The following IL12A variants were observed in gnomAD, a reference collection of about 807,000 sequenced individuals.
IL12A encodes interleukin 12A.
A neutral mutation model predicts 23.5 loss-of-function variants in IL12A; 16 were observed. That is an observed-to-expected ratio of 0.68 (90% CI 0.46 to 1.03). The LOEUF (loss-of-function observed/expected upper bound fraction) is 1.03. Ranked by LOEUF, IL12A falls within the 50% of genes least tolerant of loss-of-function variation. The probability of loss-of-function intolerance (pLI) is 0.00; values close to 1 mark genes in which losing one functional copy is unlikely to be tolerated. For synonymous variants in IL12A, 106 were observed against 111.5 expected (o/e 0.95, Z 0.31); for missense variants, 275 against 307.0 (o/e 0.90, Z 0.78).
Position 159,995,567 on chromosome 3 carries a change from G to A in IL12A, c.*8G>A. The A allele has an allele frequency of 6.4e-7, 1 of 1,574,258 alleles. No individual in the cohort carries two copies. The highest frequency in any genetic ancestry group is 2.3e-5 in the East Asian group (1 of 43,076). Reference sequence around the variant, plus strand: ...TATCTGAATGCTTCCTAAAAAGCGAGGTCCCTCCAAACCGTTGTCATTTTT... The same window carrying A: ...TATCTGAATGCTTCCTAAAAAGCGAAGTCCCTCCAAACCGTTGTCATTTTT... On this transcript the variant is annotated 3_prime_UTR_variant, in exon 7 of 7. Transcript: ENST00000305579.
Position 159,993,702 on chromosome 3 carries a change from C to T in IL12A, c.464C>T (p.Ala155Val). 1 of 1,614,100 alleles carries T rather than the reference C, an allele frequency of 6.2e-7. No individual in the cohort carries two copies. Among genetic ancestry groups the T allele is most frequent in the Non-Finnish European group, 8.5e-7 (1 of 1,179,986 alleles). Reference sequence around the variant, plus strand: ...TCCCCATCTTGTCATGTCACCCAGGCCCTGTGCCTTAGTAGTATTTATGAA... The same window carrying T: ...TCCCCATCTTGTCATGTCACCCAGGTCCTGTGCCTTAGTAGTATTTATGAA... The change falls in exon 6 of 7, where the codon GCC (alanine) becomes GTC (valine). Residue 155 changes from alanine (A) to valine (V), a missense_variant and splice_region_variant. Ala to Val is a moderately conservative substitution (Grantham distance 64). Transcript: ENST00000305579.
chr3:159,992,115 G>A (rs1037370005), intron 2 of IL12A, among the ~76,000 whole-genome samples: 3 of 152,192 alleles, frequency 2.0e-5, no homozygotes, highest in African/African-American at 7.2e-5. Context: ...AACGTATTCT[G>A]AATTTTCAGG....
chr3:159,995,272 G>A, intron 6 of IL12A, 132 bp from the exon 7 acceptor site: 1 of 557,702 alleles, frequency 1.8e-6, no homozygotes, highest in African/African-American at 1.9e-5. Context: ...AGTAGATTTG[G>A]ATTGGGTTTA....
Position 159,993,812 on chromosome 3 carries a change from A to C in IL12A, c.574A>C (p.Asn192His). 1.2e-6 allele frequency: 2 copies of C among 1,614,184 alleles called. No individual in the cohort carries two copies. Among genetic ancestry groups the C allele is most frequent in the Non-Finnish European group, 1.7e-6 (2 of 1,179,996 alleles). The change falls in exon 6 of 7, where the codon AAC (asparagine) becomes CAC (histidine). Residue 192 changes from asparagine to histidine, a missense_variant. Transcript: ENST00000305579. ...TAAGAGGCAGATCTTTCTAGATCAAAACATGCTGGCAGTTATTGATGAGCT... is the reference window on the plus strand; with the variant it reads ...TAAGAGGCAGATCTTTCTAGATCAACACATGCTGGCAGTTATTGATGAGCT...
intron 2 of IL12A, among the ~76,000 whole-genome samples, chr3:159,991,418 T>C (rs540935079): frequency 2.0e-4 from 31 of 152,230 alleles, no homozygotes; most frequent in Non-Finnish European, 3.8e-4. Context: ...TATTTTTTAG[T>C]TTGATGCCAT....
intron 2 of IL12A, 150 bp downstream of exon 2, chr3:159,990,462 G>C (rs1362973846): frequency 1.4e-6 from 1 of 726,142 alleles, no homozygotes; most frequent in Non-Finnish European, 2.2e-6. Flanking sequence ...CTTTACAAAT[G>C]GCCCAAGTGT....
In IL12A at chr3:159,996,009, A is replaced by G. The variant is rs1265274140; in HGVS notation, c.*450A>G. The G allele has an allele frequency of 6.6e-6, 1 of 152,182 alleles. No homozygotes were observed. Among genetic ancestry groups the G allele is most frequent in the Non-Finnish European group, 1.5e-5 (1 of 68,040 alleles). The allele number at this position is 152,182 out of a possible 1,614,324, so 9.4% of individuals were successfully genotyped here. The stretch of plus-strand genomic sequence containing the variant: ...AAGTGTTCTAAAAATAAAAGTATTG[A>G]ATTAAAGTGATTCTGCAATTTTTCT... On this transcript the variant is annotated 3_prime_UTR_variant, in exon 7 of 7. Coordinates refer to ENST00000305579, the MANE Select transcript of IL12A (RefSeq NM_000882.4).
chr3:159,995,420 G>C lies in IL12A; in HGVS notation c.623G>C (p.Ser208Thr). The change falls in exon 7 of 7, where the codon AGT (serine) becomes ACT (threonine). Residue 208 changes from serine (S) to threonine (T), a missense_variant. By Grantham distance (58) the Ser-to-Thr change is moderately conservative. Transcript: ENST00000305579. ...TTCTCCTAGGCCCTGAATTTCAACA[G>C]TGAGACTGTGCCACAAAAATCCTCC... 2 of 1,604,630 alleles carry C rather than the reference G, an allele frequency of 1.2e-6. No homozygotes were observed. The highest frequency in any genetic ancestry group is 1.3e-5 in the African/African-American group (1 of 74,542).
rs1216062134 is a variant in IL12A at position 159,993,265 on chromosome 3, A to C, written c.378+140A>C. On this transcript the variant is annotated intron_variant, in intron 3 of 6. Transcript: ENST00000305579. Reference sequence around the variant, plus strand: ...TCCTACTTCAGAAGTTAGATTTGGGAGAAAAATTATTTTTAAAAAATGGTT... The same window carrying C: ...TCCTACTTCAGAAGTTAGATTTGGGCGAAAAATTATTTTTAAAAAATGGTT... The C allele has an allele frequency of 8.3e-6, 6 of 724,580 alleles. No homozygotes were observed. The South Asian group carries it at 1.2e-4, about 14-fold the overall frequency. 44.9% of individuals were successfully genotyped at this position (724,580 alleles called of 1,614,324 possible).
At position 159,995,416 on chromosome 3, in the gene IL12A, A is replaced by G; in HGVS notation, c.619A>G (p.Asn207Asp). Residue 207 changes from asparagine (N) to aspartate (D), a missense_variant, in exon 7 of 7, where the codon AAC becomes GAC. By Grantham distance (23) the Asn-to-Asp change is conservative. Coordinates refer to ENST00000305579, the MANE Select transcript of IL12A (RefSeq NM_000882.4). ...TTCATTCTCCTAGGCCCTGAATTTC[A>G]ACAGTGAGACTGTGCCACAAAAATC... 1 of 1,598,858 alleles carries G rather than the reference A, an allele frequency of 6.3e-7. No homozygotes were observed. The highest frequency in any genetic ancestry group is 1.1e-5 in the South Asian group (1 of 87,492).
chr3:159,993,964 AT>A, intron 6 of IL12A, 120 bp downstream of exon 6: 1 of 955,168 alleles, frequency 1.0e-6, no homozygotes, highest in South Asian at 1.6e-5. Flanking sequence ...ACAGACCTAC[AT>A]TTTCAAGAAG....
At position 159,993,384 on chromosome 3, in the gene IL12A, A is replaced by C. The variant is rs536365425; in HGVS notation, c.379-67A>C. 7.2e-4 allele frequency: 895 copies of C among 1,250,764 alleles called. 2 individuals carry two copies. The highest frequency in any genetic ancestry group is 9.3e-4 in the Non-Finnish European group (822 of 887,676). The allele number at this position is 1,250,764 out of a possible 1,614,324, so 77.5% of individuals were successfully genotyped here. On this transcript the variant is annotated intron_variant, in intron 3 of 6. Transcript: ENST00000305579. The stretch of plus-strand genomic sequence containing the variant: ...TTTTTACCATAATAAAAAAAATTTG[A>C]GACCTGAAGAGTCAGAAAGATTTAT...
At chr3:159,993,878 T>A in intron 6 of IL12A, 34 bp downstream of exon 6, 1 of 1,609,696 alleles carries the variant, frequency 6.2e-7, no homozygotes, top group Non-Finnish European at 8.5e-7. Context: ...GAGCACCTTT[T>A]TCATGCTAAA....
intron 6 of IL12A, among the ~76,000 whole-genome samples, chr3:159,994,535 A>G (rs1046028762): frequency 2.0e-5 from 3 of 151,954 alleles, no homozygotes; most frequent in Non-Finnish European, 4.4e-5. Context: ...ATATGGTGGC[A>G]GAAATCATTG....
chr3:159,991,946 A>G lies in IL12A; in HGVS notation c.265-1066A>G, dbSNP rs539672682. On this transcript the variant is annotated intron_variant, in intron 2 of 6. Transcript: ENST00000305579. ...AATCCAGGATCATCTCTCTACTCTT[A>G]GATCAGCTGATTAGCAAATTGAATG... 5.3e-5 allele frequency among the ~76,000 whole-genome samples: 8 copies of G among 152,288 alleles called. No individual in the cohort carries two copies. The South Asian group carries it at 1.5e-3, about 28-fold the overall frequency.
chr3:159,990,376 C>A (rs979426186), intron 2 of IL12A, 64 bp downstream of exon 2: 2 of 1,522,274 alleles, frequency 1.3e-6, no homozygotes, highest in South Asian at 1.2e-5. Flanking sequence ...GCCTCTGATC[C>A]TCCCCTCTGG....
At chr3:159,995,289 G>GATAGGGTTTATGC in intron 6 of IL12A, 115 bp from the exon 7 acceptor site, 1 of 693,704 alleles carries the variant, frequency 1.4e-6, no homozygotes, top group Non-Finnish European at 2.3e-6. Context: ...TTTAGGAGTG[G>GATAGGGTTTATGC]CATAAGGGAC....
In IL12A at chr3:159,989,129, C is replaced by T. The variant is rs760932835; in HGVS notation, c.73C>T (p.Arg25Cys). 7 of 1,612,476 alleles carry T rather than the reference C, an allele frequency of 4.3e-6. No individual in the cohort carries two copies. Among genetic ancestry groups the T allele is most frequent in the South Asian group, 1.1e-5 (1 of 90,860 alleles). The change falls in exon 1 of 7, where the codon CGC becomes TGC. Residue 25 changes from arginine (R) to cysteine (C), a missense_variant. Transcript: ENST00000305579. Reference sequence around the variant, plus strand: ...GGCCACAGGTCTGCATCCAGCGGCTCGCCCTGTGTCCCTGCAGTGCCGGCT... The same window carrying T: ...GGCCACAGGTCTGCATCCAGCGGCTTGCCCTGTGTCCCTGCAGTGCCGGCT...
At position 159,994,789 on chromosome 3, in the gene IL12A, C is replaced by A. The variant is rs2243134; in HGVS notation, c.607-615C>A. ...AGACAACTATTCCCAAGTCACTTAACCCCTCTGTGCCTCAGTTTCCTCCAG... is the reference window on the plus strand; with the variant it reads ...AGACAACTATTCCCAAGTCACTTAAACCCTCTGTGCCTCAGTTTCCTCCAG... On this transcript the variant is annotated intron_variant, in intron 6 of 6. Coordinates refer to ENST00000305579, the MANE Select transcript of IL12A (RefSeq NM_000882.4). 8.8e-3 allele frequency among the ~76,000 whole-genome samples: 1,333 copies of A among 152,240 alleles called. 21 individuals carry two copies. Among genetic ancestry groups the A allele is most frequent in the African/African-American group, 0.024 (1,012 of 41,538 alleles).
Sources: allele counts gnomAD v4.1 joint callset (sites outside exome capture counted in the v4.1 genomes callset), GRCh38; gene constraint gnomAD v4.1.1; transcripts MANE v1.5; gene names NCBI Gene and HGNC (gene_info 2026-07-23, HGNC 2026-07-21).